Variants in DNAH12 observed in about 807,000 individuals in gnomAD.
The protein encoded by DNAH12 is axonemal beta dynein heavy chain 12.
In DNAH12, 285 loss-of-function variants were observed where a neutral mutation model predicts 371.5. The ratio of observed to expected loss-of-function variants is 0.77; its 90% CI spans 0.70 to 0.85. DNAH12 has a LOEUF of 0.85. Among genes scored for constraint, DNAH12 ranks in the 40% least tolerant of loss-of-function variants. The pLI is 0.00. For missense variants in DNAH12, 3,611 were observed against 3,689.4 expected, an observed-to-expected ratio of 0.98 and a Z score of 0.55; for synonymous variants, 1,200 against 1,213.0, an observed-to-expected ratio of 0.99 and a Z score of 0.22.
chr3:57,339,372 A>G (rs1396519899), intron 60 of DNAH12, among the ~76,000 whole-genome samples: 1 of 145,920 alleles, frequency 6.9e-6, no homozygotes, highest in Non-Finnish European at 1.5e-5. Context: ...AGAATGATCA[A>G]TAAATACTAA....
chr3:57,403,013 A>G (rs1553679509), intron 43 of DNAH12, among the ~76,000 whole-genome samples: 1 of 152,204 alleles, frequency 6.6e-6, no homozygotes, highest in African/African-American at 2.4e-5. Flanking sequence ...CTTGAGTTAG[A>G]AAGCCTTGCT....
chr3:57,533,085 G>A (rs905447907), intron 2 of DNAH12, among the ~76,000 whole-genome samples: 1 of 152,158 alleles, frequency 6.6e-6, no homozygotes, highest in Non-Finnish European at 1.5e-5. Context: ...CCCTTTCACA[G>A]GCAGAGGAGC....
rs1174696879 is a variant in DNAH12, at chr3:57,312,950, T to C, written c.10662+1544A>G. The stretch of plus-strand genomic sequence containing the variant: ...TTTATTTTAAAGGTTGGTGTAAATA[T>C]GATTAAATGCTTATAGCCTTACAAA... On this transcript the variant is annotated intron_variant, in intron 66 of 73. Coordinates refer to ENST00000495027, the MANE Select transcript of DNAH12 (RefSeq NM_001366028.2). Among the ~76,000 whole-genome samples, 3 of 152,234 alleles carry C rather than the reference T, an allele frequency of 2.0e-5. No individual in the cohort carries two copies. In the East Asian group the frequency reaches 5.8e-4, roughly 29 times the overall value.
intron 53 of DNAH12, among the ~76,000 whole-genome samples, chr3:57,376,239 C>A (rs1274725899): frequency 2.6e-5 from 4 of 151,696 alleles, no homozygotes; most frequent in Admixed American, 1.3e-4. Context: ...AAAACAAAAC[C>A]CAAACACCAA....
In DNAH12 at chr3:57,462,786, C is replaced by G. The variant is rs1324314739; in HGVS notation, c.2439G>C (p.Leu813Phe). ...KQISEIVGYD[L>F]TPDSGTTLRK... ...TCAGTGTAGTTCCAGAGTCTGGAGT[C>G]AAGTCATAGCCTACAATTTCTGATA... Residue 813 changes from leucine (L) to phenylalanine (F), a missense_variant, in exon 18 of 74, where the codon TTG becomes TTC. This residue lies in a region of DNAH12 where 1,314 missense variants were observed against 1,398.7 expected (regional missense o/e 0.94). Coordinates refer to ENST00000495027, the MANE Select transcript of DNAH12 (RefSeq NM_001366028.2). 1 of 1,551,472 alleles carries G rather than the reference C, an allele frequency of 6.4e-7. No individual in the cohort carries two copies. Among genetic ancestry groups the G allele is most frequent in the Admixed American group, 2.0e-5 (1 of 50,988 alleles).
At chr3:57,454,193 T>C (rs112293668) in intron 23 of DNAH12, among the ~76,000 whole-genome samples, 1,593 of 152,082 alleles carry the variant, frequency 0.01, 19 homozygotes, top group African/African-American at 0.036. Context: ...TAAGAACAAG[T>C]TCTCAGGCCA....
rs937173068 is a variant in DNAH12 at position 57,407,672 on chromosome 3, A to G, written c.6276+608T>C. ...TTAAATATATTGTTTCCCATTTACC[A>G]TTAGAGATGAGGCTGGCTCTAGTCT... On this transcript the variant is annotated intron_variant, in intron 40 of 73. Coordinates refer to ENST00000495027, the MANE Select transcript of DNAH12 (RefSeq NM_001366028.2). Among the ~76,000 whole-genome samples, 6 of 152,082 alleles carry G rather than the reference A, an allele frequency of 3.9e-5. No homozygotes were observed. The South Asian group carries it at 1.2e-3, about 31-fold the overall frequency.
At chr3:57,302,858 G>T (rs962679285) in intron 69 of DNAH12, among the ~76,000 whole-genome samples, 1 of 150,404 alleles carries the variant, frequency 6.6e-6, no homozygotes, top group Non-Finnish European at 1.5e-5. Flanking sequence ...TTACAGGCGT[G>T]AGCCACTGCG....
At position 57,413,738 on chromosome 3, in the gene DNAH12, A is replaced by G. The variant is rs2064277028; in HGVS notation, c.6020+8T>C. 1.3e-6 allele frequency: 2 copies of G among 1,548,342 alleles called. No individual in the cohort carries two copies. Among genetic ancestry groups the G allele is most frequent in the Non-Finnish European group, 1.7e-6 (2 of 1,146,060 alleles). Reference sequence around the variant, plus strand: ...ACTTCAGCATAACTTATCGAATTAAATAGTTACCAATGTCCACAGTCAAAA... The same window carrying G: ...ACTTCAGCATAACTTATCGAATTAAGTAGTTACCAATGTCCACAGTCAAAA... On this transcript the variant is annotated splice_region_variant and intron_variant, in intron 39 of 73. Transcript: ENST00000495027.
At chr3:57,414,609 G>T (rs989861449) in intron 38 of DNAH12, among the ~76,000 whole-genome samples, 9 of 152,096 alleles carry the variant, frequency 5.9e-5, no homozygotes, top group African/African-American at 1.9e-4. Flanking sequence ...ACTCAACAAT[G>T]TATCTATTAA....
chr3:57,355,418 C>T (rs1024348838), intron 59 of DNAH12, among the ~76,000 whole-genome samples: 321 of 151,760 alleles, frequency 2.1e-3, no homozygotes, highest in Middle Eastern at 0.01. Context: ...CTGTATTTCA[C>T]ATGAATAACA....
chr3:57,498,174 A>C (rs934146900), intron 11 of DNAH12: 2 of 249,608 alleles, frequency 8.0e-6, no homozygotes, highest in Non-Finnish European at 1.5e-5. Flanking sequence ...TCTAGATGTG[A>C]AAGTGCAGTG....
intron 73 of DNAH12, among the ~76,000 whole-genome samples, chr3:57,294,721 T>G (rs2061198155): frequency 6.6e-6 from 1 of 152,168 alleles, no homozygotes; most frequent in African/African-American, 2.4e-5. Context: ...CTATTTGTTT[T>G]TAGCAGGTAA....
At chr3:57,421,872 C>A in intron 35 of DNAH12, 166 bp from the exon 36 acceptor site, 2 of 491,624 alleles carry the variant, frequency 4.1e-6, no homozygotes, top group Non-Finnish European at 7.0e-6. Flanking sequence ...AGTCATTTCT[C>A]TGACAATTTT....
chr3:57,295,437 G>A, intron 73 of DNAH12, 88 bp downstream of exon 73: 3 of 1,070,618 alleles, frequency 2.8e-6, no homozygotes, highest in Non-Finnish European at 4.0e-6. Context: ...TAAAAGGTTT[G>A]AGCAAAAACT....
intron 4 of DNAH12, chr3:57,512,549 T>C (rs2068037503): frequency 6.6e-6 from 1 of 152,192 alleles, no homozygotes; most frequent in South Asian, 2.1e-4. Context: ...AAGCATTCCA[T>C]ATTTTTGAAA....
intron 69 of DNAH12, among the ~76,000 whole-genome samples, chr3:57,305,791 T>A (rs2061456997): frequency 6.6e-6 from 1 of 152,190 alleles, no homozygotes; most frequent in South Asian, 2.1e-4. Flanking sequence ...CAGGACTTAA[T>A]TAACCTTGCC....
Position 57,323,197 on chromosome 3 carries a change from C to T in DNAH12, c.10193G>A (p.Gly3398Glu). The T allele has an allele frequency of 1.3e-6, 2 of 1,552,326 alleles. No individual in the cohort carries two copies. The highest frequency in any genetic ancestry group is 1.7e-6 in the Non-Finnish European group (2 of 1,147,138). Residue 3398 changes from glycine (G) to glutamate (E), a missense_variant, in exon 64 of 74, where the codon GGA becomes GAA. Around this residue, in one of 3 missense-constraint regions of DNAH12, gnomAD observed 2,266 missense variants for 2,236.9 expected, o/e 1.01. Coordinates refer to ENST00000495027, the MANE Select transcript of DNAH12 (RefSeq NM_001366028.2). ...TGCTGCAATCGGTCCTTGTCCCTGTCCCAGTGAAATAGCTTGAAACTTATT... is the reference window on the plus strand; with the variant it reads ...TGCTGCAATCGGTCCTTGTCCCTGTTCCAGTGAAATAGCTTGAAACTTATT... ...SGNKFQAISL[G>E]QGQGPIAAKM...
At chr3:57,301,651 T>C in intron 70 of DNAH12, 84 bp downstream of exon 70, 1 of 1,471,248 alleles carries the variant, frequency 6.8e-7, no homozygotes, top group Non-Finnish European at 9.2e-7. Context: ...TGTGTCTGTA[T>C]ATTTTACATA....
Sources: gnomAD v4.1 joint callset for allele counts (sites outside exome capture counted in the v4.1 genomes callset) on GRCh38, gnomAD v4.1.1 for gene constraint, gnomAD v4.1.1 regional missense constraint, MANE v1.5 for transcripts, NCBI Gene and HGNC (gene_info 2026-07-23, HGNC 2026-07-21) for gene names.